The following UQCRC2 variants were observed in gnomAD, a reference collection of about 807,000 sequenced individuals.
The protein encoded by UQCRC2 is ubiquinol-cytochrome c reductase core protein 2, also known as cytochrome b-c1 complex subunit 2, mitochondrial.
UQCRC2 carries 49 observed loss-of-function variants against 55.6 expected under a neutral mutation model. The ratio of observed to expected loss-of-function variants is 0.88; its 90% confidence interval spans 0.70 to 1.12. The LOEUF (loss-of-function observed/expected upper bound fraction) is 1.12. Among genes scored for constraint, UQCRC2 ranks in the 50% most tolerant of loss-of-function variants. UQCRC2 has a pLI of 0.00. For missense variants in UQCRC2, 506 were observed against 547.8 expected, an observed-to-expected ratio of 0.92 and a Z score of 0.76; for synonymous variants, 193 against 192.0, an observed-to-expected ratio of 1.01 and a Z score of -0.04.
intron 6 of UQCRC2, 117 bp from the exon 7 acceptor site, chr16:21,965,291 A>C (rs1295420232): frequency 1.2e-6 from 1 of 828,760 alleles, no homozygotes; most frequent in East Asian, 2.7e-5. Context: ...AAGTCCTCTT[A>C]ACATATGAAT....
At chr16:21,982,070 G>A (rs907764367) in intron 13 of UQCRC2, among the ~76,000 whole-genome samples, 6 of 151,944 alleles carry the variant, frequency 3.9e-5, no homozygotes, top group African/African-American at 1.5e-4. Context: ...TCGATCTCCT[G>A]ACCTCGTGAT....
At chr16:21,957,360 T>TA (rs751771504) in intron 2 of UQCRC2, 42 bp downstream of exon 2, 39 of 1,613,996 alleles carry the variant, frequency 2.4e-5, no homozygotes, top group Non-Finnish European at 3.3e-5. Context: ...ATACATGCCT[T>TA]ACTCTCCTTG....
At chr16:21,956,893 T>G (rs1360013884) in intron 1 of UQCRC2, among the ~76,000 whole-genome samples, 1 of 151,888 alleles carries the variant, frequency 6.6e-6, no homozygotes, top group Admixed American at 6.6e-5. Flanking sequence ...TGAAACCCCA[T>G]CTCTACTAAA....
intron 1 of UQCRC2, among the ~76,000 whole-genome samples, chr16:21,954,064 A>G (rs185160500): frequency 1.3e-5 from 2 of 152,294 alleles, no homozygotes; most frequent in Admixed American, 1.3e-4. Context: ...TAAATTAAAC[A>G]TAGCTGTCAC....
intron 13 of UQCRC2, among the ~76,000 whole-genome samples, chr16:21,982,513 A>G (rs976037075): frequency 6.6e-6 from 1 of 152,078 alleles, no homozygotes; most frequent in African/African-American, 2.4e-5. Flanking sequence ...TTGAACAGCT[A>G]CCCTCTTACC....
chr16:21,953,421 A>C lies in UQCRC2; in HGVS notation c.-3A>C. On this transcript the variant is annotated 5_prime_UTR_variant, in exon 1 of 14. Coordinates refer to ENST00000268379, the MANE Select transcript of UQCRC2 (RefSeq NM_003366.4). ...TGACCGTGTGTCAGAACAATCTTGAATCATGAAGCTACTAACCAGAGCCGG... is the reference window on the plus strand; with the variant it reads ...TGACCGTGTGTCAGAACAATCTTGACTCATGAAGCTACTAACCAGAGCCGG... 1 of 1,612,558 alleles carries C rather than the reference A, an allele frequency of 6.2e-7. No individual in the cohort carries two copies. Among genetic ancestry groups the C allele is most frequent in the Non-Finnish European group, 8.5e-7 (1 of 1,179,696 alleles).
At chr16:21,977,018 C>T (rs1187981114) in intron 12 of UQCRC2, 2 of 151,904 alleles carry the variant, frequency 1.3e-5, no homozygotes, top group Admixed American at 6.6e-5. Flanking sequence ...ATAAACATAA[C>T]GAAAGACTCC....
At chr16:21,963,049 C>T in intron 6 of UQCRC2, 164 bp downstream of exon 6, 2 of 909,602 alleles carry the variant, frequency 2.2e-6, no homozygotes, top group Non-Finnish European at 1.5e-6. Context: ...AGTGCAGTGG[C>T]ACGATCTTGG....
intron 10 of UQCRC2, among the ~76,000 whole-genome samples, chr16:21,972,402 T>A (rs1898484604): frequency 6.6e-6 from 1 of 152,202 alleles, no homozygotes; most frequent in African/African-American, 2.4e-5. Context: ...AATAAAGTTG[T>A]AGATATTAAA....
chr16:21,980,255 A>G (rs1034853893), intron 12 of UQCRC2: 7 of 311,200 alleles, frequency 2.2e-5, no homozygotes, highest in Non-Finnish European at 3.7e-5. Flanking sequence ...GGAGCTCTCC[A>G]GCTGTCTCAC....
At chr16:21,975,717 G>GAGATAGC (rs1297940692) in intron 11 of UQCRC2, among the ~76,000 whole-genome samples, 3 of 152,166 alleles carry the variant, frequency 2.0e-5, no homozygotes, top group Non-Finnish European at 4.4e-5. Flanking sequence ...TGAATAGTAA[G>GAGATAGC]AGATAGCAGT....
At chr16:21,973,103 A>G (rs967907195) in intron 10 of UQCRC2, among the ~76,000 whole-genome samples, 3 of 152,174 alleles carry the variant, frequency 2.0e-5, no homozygotes, top group Non-Finnish European at 4.4e-5. Flanking sequence ...CTGTCTCAAA[A>G]ATATATATAA....
At position 21,962,856 on chromosome 16, in the gene UQCRC2, A is replaced by G; in HGVS notation, c.485A>G (p.Lys162Arg). Residue 162 changes from lysine (K) to arginine (R), a missense_variant, in exon 6 of 14, where the codon AAA becomes AGA. Physicochemically the swap from Lys to Arg is conservative, Grantham distance 26. Coordinates refer to ENST00000268379, the MANE Select transcript of UQCRC2 (RefSeq NM_003366.4). ...ADLQPQLKID[K>R]AVAFQNPQTH... ...CTTCAGCCTCAGCTAAAGATTGACA[A>G]AGCTGTGGCCTTTCAGAATCCGCAG... The G allele has an allele frequency of 1.2e-6, 2 of 1,614,202 alleles. No homozygotes were observed. The highest frequency in any genetic ancestry group is 1.7e-6 in the Non-Finnish European group (2 of 1,180,030).
chr16:21,966,038 G>A (rs1567473041), intron 7 of UQCRC2, among the ~76,000 whole-genome samples: 1 of 151,746 alleles, frequency 6.6e-6, no homozygotes, highest in Non-Finnish European at 1.5e-5. Context: ...TAGGGGCTGG[G>A]CCCAGTGGCT....
At chr16:21,962,307 A>T in intron 4 of UQCRC2, 153 bp from the exon 5 acceptor site, 2 of 856,008 alleles carry the variant, frequency 2.3e-6, no homozygotes, top group Non-Finnish European at 3.5e-6. Context: ...TTTGAATTTT[A>T]GTTGGTTAAT....
At chr16:21,964,417 CCTT>C (rs1898276812) in intron 6 of UQCRC2, among the ~76,000 whole-genome samples, 1 of 152,072 alleles carries the variant, frequency 6.6e-6, no homozygotes, top group South Asian at 2.1e-4. Flanking sequence ...TGAAAGTAAG[CCTT>C]CTTATTATCT....
intron 13 of UQCRC2, among the ~76,000 whole-genome samples, chr16:21,981,942 G>A (rs1033838746): frequency 1.3e-5 from 2 of 150,310 alleles, no homozygotes; most frequent in South Asian, 2.1e-4. Flanking sequence ...CCGGGTTCAC[G>A]CCATTTTCCT....
intron 8 of UQCRC2, 102 bp downstream of exon 8, chr16:21,968,787 G>C: frequency 9.5e-7 from 1 of 1,047,768 alleles, no homozygotes; most frequent in East Asian, 2.8e-5. Flanking sequence ...TGAAAACTTC[G>C]GCCTTCTATT....
chr16:21,967,477 C>T (rs1236975350), intron 7 of UQCRC2, among the ~76,000 whole-genome samples: 5 of 151,976 alleles, frequency 3.3e-5, no homozygotes, highest in Non-Finnish European at 5.9e-5. Flanking sequence ...AATTTTCACC[C>T]ATCTGGAAAG....
Sources: gnomAD v4.1 joint callset for allele counts (sites outside exome capture counted in the v4.1 genomes callset) on GRCh38, gnomAD v4.1.1 for gene constraint, MANE v1.5 for transcripts, NCBI Gene and HGNC (gene_info 2026-07-23, HGNC 2026-07-21) for gene names.